LPAR1: variants seen among roughly 807,000 people sequenced by gnomAD.
LPAR1 encodes LPA receptor 1.
Under a neutral mutation model 23.8 loss-of-function variants are expected in LPAR1, and 5 were observed. The ratio of observed to expected loss-of-function variants is 0.21; its 90% CI spans 0.11 to 0.44. The LOEUF (loss-of-function observed/expected upper bound fraction) is 0.44. LPAR1 is among the 20% of genes least tolerant of loss of function. LPAR1 has a pLI of 0.99. For synonymous variants in LPAR1, 160 were observed against 164.7 expected, an observed-to-expected ratio of 0.97 and a Z score of 0.22; for missense variants, 311 against 482.8, an observed-to-expected ratio of 0.64 and a Z score of 3.33.
intron 5 of LPAR1, among the ~76,000 whole-genome samples, chr9:110,925,469 G>T (rs1333992695): frequency 6.6e-6 from 1 of 151,986 alleles, no homozygotes; most frequent in African/African-American, 2.4e-5. Flanking sequence ...GAATCCTGCT[G>T]GGATTCTACA....
At chr9:110,886,123 G>C (rs566614913) in intron 5 of LPAR1, among the ~76,000 whole-genome samples, 82 of 151,252 alleles carry the variant, frequency 5.4e-4, no homozygotes, top group African/African-American at 2.0e-3. Flanking sequence ...GCTTGAACCT[G>C]AGAGGTAGAG....
intron 5 of LPAR1, among the ~76,000 whole-genome samples, chr9:110,927,411 T>A (rs552756800): frequency 6.6e-5 from 10 of 152,244 alleles, no homozygotes; most frequent in Non-Finnish European, 1.2e-4. Flanking sequence ...TTCAGAGAGA[T>A]TAAGATTCTT....
At position 110,939,071 on chromosome 9, in the gene LPAR1, C is replaced by T. The variant is rs370426827; in HGVS notation, c.793+2350G>A. Reference sequence around the variant, plus strand: ...TCTTTCCTGGGCAGAGCCAAGAACTCCCCCAGGCTGAGCCCCAATTTTGGG... The same window carrying T: ...TCTTTCCTGGGCAGAGCCAAGAACTTCCCCAGGCTGAGCCCCAATTTTGGG... On this transcript the variant is annotated intron_variant, in intron 5 of 5. Transcript: ENST00000683809. Among the ~76,000 whole-genome samples, 39 of 152,244 alleles carry T rather than the reference C, an allele frequency of 2.6e-4. No individual in the cohort carries two copies. In the South Asian group the frequency reaches 5.0e-3, roughly 19 times the overall value.
chr9:110,934,998 A>C (rs768192072), intron 5 of LPAR1, among the ~76,000 whole-genome samples: 1 of 152,330 alleles, frequency 6.6e-6, no homozygotes, highest in South Asian at 2.1e-4. Context: ...ATAATGTACA[A>C]GCGATTCAGT....
At position 110,941,556 on chromosome 9, in the gene LPAR1, C is replaced by A; in HGVS notation, c.658G>T (p.Val220Leu). 2 of 1,614,142 alleles carry A rather than the reference C, an allele frequency of 1.2e-6. No homozygotes were observed. The highest frequency in any genetic ancestry group is 1.7e-6 in the Non-Finnish European group (2 of 1,180,012). The change falls in exon 5 of 6, where the codon GTA becomes TTA. Residue 220 changes from valine (V) to leucine (L), a missense_variant. By Grantham distance (32) the Val-to-Leu change is conservative. Transcript: ENST00000683809. This position sits in a 1 kb window ranked among gnomAD's most constrained non-coding sequence, Gnocchi z 6.1. The part of the protein sequence containing the change: ...WAIFNLVTFV[V>L]MVVLYAHIFG... ...ATGTGAGCATAGAGAACCACCATTACCACAAAGGTCACCAAGTTGAAAATG... is the reference window on the plus strand; with the variant it reads ...ATGTGAGCATAGAGAACCACCATTAACACAAAGGTCACCAAGTTGAAAATG...
intron 5 of LPAR1, among the ~76,000 whole-genome samples, chr9:110,914,096 C>G (rs953302066): frequency 1.3e-5 from 2 of 152,272 alleles, no homozygotes; most frequent in Non-Finnish European, 2.9e-5. Flanking sequence ...CAGGAGAAAG[C>G]AAGCTCCACA....
intron 5 of LPAR1, among the ~76,000 whole-genome samples, chr9:110,917,860 A>G (rs2093317303): frequency 6.6e-6 from 1 of 151,962 alleles, no homozygotes; most frequent in African/African-American, 2.4e-5. Context: ...GCTTATTTTA[A>G]ACTCAACTTT....
chr9:110,928,657 T>C (rs2094202160), intron 5 of LPAR1, among the ~76,000 whole-genome samples: 1 of 152,182 alleles, frequency 6.6e-6, no homozygotes, highest in African/African-American at 2.4e-5. Flanking sequence ...TAGAGCCTCT[T>C]TTGCTTTAGT....
chr9:110,938,718 A>C (rs2094894154), intron 5 of LPAR1, among the ~76,000 whole-genome samples: 1 of 151,756 alleles, frequency 6.6e-6, no homozygotes, highest in African/African-American at 2.4e-5. Flanking sequence ...GAAAAAAAAA[A>C]ATCTGGGTAG....
At chr9:110,962,306 G>C (rs1360569593) in intron 4 of LPAR1, among the ~76,000 whole-genome samples, 1 of 152,112 alleles carries the variant, frequency 6.6e-6, no homozygotes, top group Non-Finnish European at 1.5e-5. Flanking sequence ...TGCTTCCTGG[G>C]TCTTCTCCTC....
chr9:111,004,898 T>C (rs1401909428), intron 2 of LPAR1, among the ~76,000 whole-genome samples: 1 of 152,184 alleles, frequency 6.6e-6, no homozygotes, highest in African/African-American at 2.4e-5. Context: ...CGGTGGCTCA[T>C]GCCTGTAATC....
intron 2 of LPAR1, among the ~76,000 whole-genome samples, chr9:110,995,519 C>T (rs2096981699): frequency 1.3e-5 from 2 of 152,128 alleles, no homozygotes; most frequent in South Asian, 4.1e-4. Flanking sequence ...CTTGGCAATA[C>T]CTCTCTAAAA....
chr9:110,910,907 G>T (rs2092344771), intron 5 of LPAR1, among the ~76,000 whole-genome samples: 2 of 152,124 alleles, frequency 1.3e-5, no homozygotes, highest in Admixed American at 6.5e-5. Context: ...GCTTCTTATG[G>T]AGGAGCAAAG....
intron 5 of LPAR1, among the ~76,000 whole-genome samples, chr9:110,935,176 A>C (rs1170140325): frequency 6.6e-6 from 1 of 152,186 alleles, no homozygotes; most frequent in Non-Finnish European, 1.5e-5. Flanking sequence ...TTCCCAAAAA[A>C]AGATGAAGAT....
At chr9:110,979,337 A>C (rs1238894447) in intron 2 of LPAR1, among the ~76,000 whole-genome samples, 1 of 152,096 alleles carries the variant, frequency 6.6e-6, no homozygotes, top group Non-Finnish European at 1.5e-5. Flanking sequence ...AACAGTAAAA[A>C]TGAGAAGGCT....
chr9:110,936,440 T>G (rs1289075094), intron 5 of LPAR1, among the ~76,000 whole-genome samples: 1 of 152,212 alleles, frequency 6.6e-6, no homozygotes, highest in Non-Finnish European at 1.5e-5. Context: ...AGGCATGGTC[T>G]ACAAGAATCT....
chr9:110,941,600 G>A lies in LPAR1; in HGVS notation c.614C>T (p.Ser205Phe), dbSNP rs552839125. The change falls in exon 5 of 6, where the codon TCT (serine) becomes TTT (phenylalanine). Residue 205 changes from serine to phenylalanine, a missense_variant. Physicochemically the swap from Ser to Phe is radical, Grantham distance 155. This residue lies in a region of LPAR1 where 250 missense variants were observed against 427.2 expected (regional missense o/e 0.59). Transcript: ENST00000683809. The surrounding 1 kb of genome is among the most constrained non-coding windows in gnomAD (Gnocchi z 6.1). Reference sequence around the variant, plus strand: ...GAAAATGGCCCAGAAGACTAAGTAAGAGTCACTGTAGAGGGGTGCCATGTT... The same window carrying A: ...GAAAATGGCCCAGAAGACTAAGTAAAAGTCACTGTAGAGGGGTGCCATGTT... ...CSNMAPLYSDSYLVFWAIFNL... is the reference protein window; with the variant it reads ...CSNMAPLYSDFYLVFWAIFNL... The A allele has an allele frequency of 2.5e-6, 4 of 1,614,108 alleles. No individual in the cohort carries two copies. Among genetic ancestry groups the A allele is most frequent in the East Asian group, 2.2e-5 (1 of 44,874 alleles).
At chr9:110,991,544 T>C (rs954022099) in intron 2 of LPAR1, among the ~76,000 whole-genome samples, 4 of 148,834 alleles carry the variant, frequency 2.7e-5, no homozygotes, top group Non-Finnish European at 5.9e-5. Flanking sequence ...TGAAACACTA[T>C]TTTGGAGCAG....
intron 5 of LPAR1, among the ~76,000 whole-genome samples, chr9:110,906,520 G>C (rs1032146578): frequency 1.3e-5 from 2 of 152,048 alleles, no homozygotes; most frequent in African/African-American, 4.8e-5. Flanking sequence ...CCCAACACAT[G>C]CCAAAATGGT....
Sources: gnomAD v4.1 joint callset for allele counts (sites outside exome capture counted in the v4.1 genomes callset) on GRCh38, gnomAD v4.1.1 for gene constraint, gnomAD v4.1.1 regional missense constraint, Gnocchi (gnomAD v3.1) non-coding constraint, MANE v1.5 for transcripts, NCBI Gene and HGNC (gene_info 2026-07-23, HGNC 2026-07-21) for gene names.